The following DNM2 variants were observed in gnomAD, a reference collection of about 807,000 sequenced individuals.
DNM2 encodes the protein dynamin-2.
DNM2 carries 15 observed loss-of-function variants against 99.0 expected under a neutral mutation model. That is an observed-to-expected ratio of 0.15 (90% CI 0.10 to 0.23). The LOEUF is 0.23. Among genes scored for constraint, DNM2 ranks in the 10% least tolerant of loss-of-function variants. The pLI is 1.00. For missense variants in DNM2, 742 were observed against 1,189.4 expected (o/e 0.62, Z 5.53); for synonymous variants, 525 against 481.2 (o/e 1.09, Z -1.19).
At chr19:10,819,310 G>A (rs1339707819) in intron 15 of DNM2, among the ~76,000 whole-genome samples, 1 of 152,142 alleles carries the variant, frequency 6.6e-6, no homozygotes, top group East Asian at 1.9e-4. Context: ...ACCTGGCCCA[G>A]GACCTATCCA....
chr19:10,751,567 G>A (rs532198072), intron 1 of DNM2, among the ~76,000 whole-genome samples: 1 of 152,286 alleles, frequency 6.6e-6, no homozygotes, highest in South Asian at 2.1e-4. Flanking sequence ...TGCTCACCAA[G>A]CTCCTAGGAG....
chr19:10,761,893 C>A (rs1481195199), intron 2 of DNM2, among the ~76,000 whole-genome samples: 1 of 152,202 alleles, frequency 6.6e-6, no homozygotes, highest in Admixed American at 6.5e-5. Context: ...ACCGATGGGC[C>A]AATGGGCTGC....
At chr19:10,731,396 C>T (rs551605224) in intron 1 of DNM2, among the ~76,000 whole-genome samples, 18 of 151,088 alleles carry the variant, frequency 1.2e-4, no homozygotes, top group Non-Finnish European at 1.6e-4. Flanking sequence ...CAGTGTCGCC[C>T]GGGCTGGAGT....
At chr19:10,737,486 G>T (rs527943589) in intron 1 of DNM2, among the ~76,000 whole-genome samples, 5 of 152,046 alleles carry the variant, frequency 3.3e-5, no homozygotes, top group African/African-American at 1.2e-4. Context: ...TATGCGTTTG[G>T]TTTCTTGTTT....
At chr19:10,821,878 C>T (rs1013134585) in intron 16 of DNM2, among the ~76,000 whole-genome samples, 7 of 152,158 alleles carry the variant, frequency 4.6e-5, no homozygotes, top group East Asian at 1.9e-4. Context: ...GCCCAGACTC[C>T]AGCCATTGTG....
At chr19:10,821,110 T>C (rs2072954775) in intron 16 of DNM2, among the ~76,000 whole-genome samples, 1 of 152,110 alleles carries the variant, frequency 6.6e-6, no homozygotes, top group African/African-American at 2.4e-5. Flanking sequence ...ACTGCTTGGC[T>C]ACACCCACCA....
At chr19:10,743,378 G>A (rs2069830283) in intron 1 of DNM2, among the ~76,000 whole-genome samples, 1 of 151,694 alleles carries the variant, frequency 6.6e-6, no homozygotes, top group African/African-American at 2.4e-5. Context: ...GCTCGGGTGA[G>A]AAAAAACATC....
intron 1 of DNM2, among the ~76,000 whole-genome samples, chr19:10,729,119 C>T (rs1295772029): frequency 2.6e-5 from 3 of 113,384 alleles, no homozygotes; most frequent in South Asian, 3.0e-4. Flanking sequence ...GAGCCGAGAT[C>T]GCACCACTGC....
In DNM2 at chr19:10,818,343, A is replaced by T. The variant is rs2072844166; in HGVS notation, c.1672-1637A>T. On this transcript the variant is annotated intron_variant, in intron 15 of 20. Transcript: ENST00000389253. The surrounding 1 kb of genome is among the most constrained non-coding windows in gnomAD (Gnocchi z 4.3). ...CTAGAGCCTGGCAGGCTAATCCTGGAGCCGCTCACAAGAGCAACCAAAGAA... is the reference window on the plus strand; with the variant it reads ...CTAGAGCCTGGCAGGCTAATCCTGGTGCCGCTCACAAGAGCAACCAAAGAA... Among the ~76,000 whole-genome samples, 1 of 152,154 alleles carries T rather than the reference A, an allele frequency of 6.6e-6. No homozygotes were observed. The highest frequency in any genetic ancestry group is 2.4e-5 in the African/African-American group (1 of 41,414).
At chr19:10,806,750 G>GCCA (rs561261561) in intron 13 of DNM2, among the ~76,000 whole-genome samples, 174 of 152,152 alleles carry the variant, frequency 1.1e-3, no homozygotes, top group African/African-American at 4.1e-3. Flanking sequence ...CCAAGATTGC[G>GCCA]CCACCGCACT....
chr19:10,797,346 C>CT, intron 9 of DNM2, 34 bp from the exon 10 acceptor site: 1 of 1,610,196 alleles, frequency 6.2e-7, no homozygotes, highest in African/African-American at 1.3e-5. Context: ...CCCTGGGTGT[C>CT]TTTCTGCCTC....
chr19:10,764,521 C>CT lies in DNM2; in HGVS notation c.235+4711dup, dbSNP rs1177066672. 3.3e-5 allele frequency among the ~76,000 whole-genome samples: 5 copies of CT among 152,348 alleles called. No homozygotes were observed. The highest frequency in any genetic ancestry group is 1.9e-4 in the East Asian group (1 of 5,188). ...TCACTGGGAAGCAGCCCCGTAAACT[C>CT]TGAGTGCCTGGGACTGTTCCTGTGT... is the stretch of plus-strand genomic sequence containing the variant. On this transcript the variant is annotated intron_variant, in intron 2 of 20. Transcript: ENST00000389253. This position sits in a 1 kb window ranked among gnomAD's most constrained non-coding sequence, Gnocchi z 4.1.
At chr19:10,777,329 C>T (rs540835822) in intron 5 of DNM2, 113 bp downstream of exon 5, 58 of 970,748 alleles carry the variant, frequency 6.0e-5, no homozygotes, top group Middle Eastern at 2.9e-4. Context: ...TCCATTTCAC[C>T]GTAACTCCTT....
At chr19:10,828,402 A>G (rs2073220920) in intron 18 of DNM2, among the ~76,000 whole-genome samples, 1 of 151,812 alleles carries the variant, frequency 6.6e-6, no homozygotes, top group South Asian at 2.1e-4. Context: ...CCTGGCTAAC[A>G]GGGTGAAACC....
intron 6 of DNM2, among the ~76,000 whole-genome samples, chr19:10,785,203 C>T (rs1056500249): frequency 5.3e-5 from 8 of 152,074 alleles, no homozygotes; most frequent in Admixed American, 1.3e-4. Context: ...CTGTAAGCTC[C>T]GTCTCCCGGG....
chr19:10,794,471 A>G (rs2071864976), intron 8 of DNM2, among the ~76,000 whole-genome samples: 1 of 152,146 alleles, frequency 6.6e-6, no homozygotes, highest in African/African-American at 2.4e-5. Flanking sequence ...GAGCAAGACC[A>G]AATGCAGTGG....
chr19:10,765,169 A>AGGAT lies in DNM2; in HGVS notation c.235+5361_235+5364dup, dbSNP rs1311555505. 6.6e-6 allele frequency among the ~76,000 whole-genome samples: 1 copy of AGGAT among 151,862 alleles called. No homozygotes were observed. The highest frequency in any genetic ancestry group is 1.5e-5 in the Non-Finnish European group (1 of 67,952). On this transcript the variant is annotated intron_variant, in intron 2 of 20. Transcript: ENST00000389253. This position sits in a 1 kb window ranked among gnomAD's most constrained non-coding sequence, Gnocchi z 4.4. ...GAGACGGGGTTTCACCGTGTTAGCC[A>AGGAT]GGATGGTCTCGATCTCCTGACCTCG...
chr19:10,803,928 AG>A (rs1387093009), intron 12 of DNM2, among the ~76,000 whole-genome samples: 3 of 151,978 alleles, frequency 2.0e-5, no homozygotes, highest in Non-Finnish European at 4.4e-5. Flanking sequence ...GTAGGAAGAG[AG>A]GGTAGGGGAT....
chr19:10,763,825 G>A (rs999833787), intron 2 of DNM2, among the ~76,000 whole-genome samples: 7 of 152,178 alleles, frequency 4.6e-5, no homozygotes, highest in Admixed American at 3.9e-4. Flanking sequence ...TGGCTGCCAT[G>A]TTCAGGAGGG....
Sources: gnomAD v4.1 joint callset for allele counts (sites outside exome capture counted in the v4.1 genomes callset) on GRCh38, gnomAD v4.1.1 for gene constraint, Gnocchi (gnomAD v3.1) non-coding constraint, MANE v1.5 for transcripts, NCBI Gene and HGNC (gene_info 2026-07-23, HGNC 2026-07-21) for gene names.